The following ATG7 variants were observed in gnomAD, a reference collection of about 807,000 sequenced individuals.
ATG7 encodes autophagy related 7, also known as ubiquitin-like modifier-activating enzyme ATG7.
In ATG7, 70 loss-of-function variants were observed where a neutral mutation model predicts 82.4. The ratio of observed to expected loss-of-function variants is 0.85; its 90% CI spans 0.70 to 1.04. ATG7 has a LOEUF of 1.04. Among genes scored for constraint, ATG7 ranks in the 50% least tolerant of loss-of-function variants. ATG7 has a pLI of 0.00. For missense variants in ATG7, 792 were observed against 864.3 expected (o/e 0.92, Z 1.05); for synonymous variants, 287 against 313.0 (o/e 0.92, Z 0.88).
intron 19 of ATG7, among the ~76,000 whole-genome samples, chr3:11,398,258 G>GTAAAAGAACTGCACCTAATGT: frequency 6.6e-6 from 1 of 152,148 alleles, no homozygotes; most frequent in South Asian, 2.1e-4. Context: ...CACCTAATTT[G>GTAAAAGAACTGCACCTAATGT]AAAAGAAATA....
chr3:11,490,185 C>G (rs990232876), intron 20 of ATG7, among the ~76,000 whole-genome samples: 2,734 of 152,200 alleles, frequency 0.018, 65 homozygotes, highest in Admixed American at 0.047. Context: ...TATATATTTA[C>G]GATAGTTAGC....
At chr3:11,287,433 A>G (rs1480497172) in intron 3 of ATG7, among the ~76,000 whole-genome samples, 1 of 152,172 alleles carries the variant, frequency 6.6e-6, no homozygotes, top group Non-Finnish European at 1.5e-5. Flanking sequence ...GTTCTAGGCC[A>G]TGGGGGCCTG....
rs1030182585 is a variant in ATG7 at position 11,488,438 on chromosome 3, C to T, written c.2079+61512C>T. On this transcript the variant is annotated intron_variant, in intron 20 of 20. Coordinates refer to ENST00000693202, the MANE Select transcript of ATG7 (RefSeq NM_001349232.2). Reference sequence around the variant, plus strand: ...CATCCTCCCGGCGGTCGGGCAGCGGCGGCTGCGGTCGGTCGCGGCAGCGGC... The same window carrying T: ...CATCCTCCCGGCGGTCGGGCAGCGGTGGCTGCGGTCGGTCGCGGCAGCGGC... 1.8e-4 allele frequency: 224 copies of T among 1,251,002 alleles called. No homozygotes were observed. In the African/African-American group the frequency reaches 2.9e-3, roughly 16 times the overall value. The allele number at this position is 1,251,002 out of a possible 1,614,324, so 77.5% of individuals were successfully genotyped here. A position where few individuals can be genotyped will look rare whatever the true frequency, so the allele number is the denominator to read the frequency against.
chr3:11,562,317 T>C (rs988195405), downstream of ATG7, among the ~76,000 whole-genome samples: 1 of 152,160 alleles, frequency 6.6e-6, no homozygotes, highest in East Asian at 1.9e-4. Flanking sequence ...GGACACTTTC[T>C]GTAGCCTCCC....
chr3:11,362,393 A>G (rs578251163), intron 16 of ATG7, among the ~76,000 whole-genome samples: 18 of 152,314 alleles, frequency 1.2e-4, no homozygotes, highest in Non-Finnish European at 2.2e-4. Flanking sequence ...GGTCACTTTG[A>G]GGTGTTAGCT....
rs562176869 is a variant in ATG7, at chr3:11,472,985, C to T, written c.2079+46059C>T. Among the ~76,000 whole-genome samples the T allele has an allele frequency of 4.6e-5, 7 of 152,212 alleles. No individual in the cohort carries two copies. In the East Asian group the frequency reaches 1.2e-3, roughly 25 times the overall value. Reference sequence around the variant, plus strand: ...AGCAAATGCATTTTTCAGGAGCATACTTTCCTTTCACTTTTTTTTTGTAAC... The same window carrying T: ...AGCAAATGCATTTTTCAGGAGCATATTTTCCTTTCACTTTTTTTTTGTAAC... On this transcript the variant is annotated intron_variant, in intron 20 of 20. Coordinates refer to ENST00000693202, the MANE Select transcript of ATG7 (RefSeq NM_001349232.2).
chr3:11,299,372 T>C lies in ATG7; in HGVS notation c.171T>C (p.Ala57=). ...IKGYYYNGDS[A]GLPARLTLEF... is the part of the protein sequence containing the mutation. ...AATGCTTCTGTCCAGGTGACTCTGC[T>C]GGGCTGCCAGCTCGCTTAACATTGG... is the stretch of plus-strand genomic sequence containing the variant. Residue 57 remains alanine, a synonymous_variant, in exon 5 of 21, where the codon GCT becomes GCC. Transcript: ENST00000693202. 1 of 1,612,462 alleles carries C rather than the reference T, an allele frequency of 6.2e-7. No individual in the cohort carries two copies. The highest frequency in any genetic ancestry group is 8.5e-7 in the Non-Finnish European group (1 of 1,178,474).
chr3:11,429,215 G>T (rs2082634298), intron 20 of ATG7, among the ~76,000 whole-genome samples: 1 of 152,152 alleles, frequency 6.6e-6, no homozygotes, highest in Non-Finnish European at 1.5e-5. Context: ...CAAGTTTTAG[G>T]CGGGGCGTGG....
Position 11,355,750 on chromosome 3 carries a change from T to C in ATG7, c.1285-2668T>C, listed in dbSNP as rs57643134. Among the ~76,000 whole-genome samples the C allele has an allele frequency of 7.2e-5, 11 of 152,310 alleles. No homozygotes were observed. The East Asian group carries it at 1.5e-3, about 21-fold the overall frequency. ...GGGTGTGGAGCAACCAAAACACTTA[T>C]ACATTGCTGGTAAAATAACTACTTT... On this transcript the variant is annotated intron_variant, in intron 14 of 20. Coordinates refer to ENST00000693202, the MANE Select transcript of ATG7 (RefSeq NM_001349232.2).
intron 20 of ATG7, among the ~76,000 whole-genome samples, chr3:11,527,041 ATGTGTGTGTGTG>A (rs370131709): frequency 1.6e-4 from 22 of 138,328 alleles, no homozygotes; most frequent in South Asian, 4.6e-4. Flanking sequence ...GTGTGTATAT[ATGTGTGTGTGTG>A]TGTGTGTGTG....
chr3:11,558,438 A>C, downstream of ATG7: 2 of 1,406,038 alleles, frequency 1.4e-6, no homozygotes, highest in Non-Finnish European at 9.4e-7. Flanking sequence ...TTTTGCAAAT[A>C]AACCATCCCT....
intron 20 of ATG7, among the ~76,000 whole-genome samples, chr3:11,494,283 G>A (rs965774302): frequency 6.6e-6 from 1 of 152,212 alleles, no homozygotes; most frequent in Non-Finnish European, 1.5e-5. Context: ...TTGGTCAACA[G>A]GAAGCAGGTG....
At chr3:11,372,946 A>C (rs888490323) in intron 18 of ATG7, among the ~76,000 whole-genome samples, 1 of 151,296 alleles carries the variant, frequency 6.6e-6, no homozygotes, top group Non-Finnish European at 1.5e-5. Context: ...AAGAAAGTTA[A>C]ATGTTTAGAT....
intron 20 of ATG7, among the ~76,000 whole-genome samples, chr3:11,538,391 C>T (rs4684787): frequency 0.29 from 44,666 of 151,882 alleles, 6,727 homozygotes; most frequent in East Asian, 0.41. Flanking sequence ...GAACCCAGGA[C>T]ATGGGACGAG....
chr3:11,549,558 T>A (rs1009955285), intron 20 of ATG7, among the ~76,000 whole-genome samples: 1 of 152,208 alleles, frequency 6.6e-6, no homozygotes, highest in Non-Finnish European at 1.5e-5. Context: ...CTGAGATTCA[T>A]ATGTGTTGTC....
chr3:11,410,661 G>C (rs999332126), intron 19 of ATG7, among the ~76,000 whole-genome samples: 3 of 152,082 alleles, frequency 2.0e-5, no homozygotes, highest in Non-Finnish European at 4.4e-5. Context: ...TACATTATTT[G>C]TCTTTTTGTG....
chr3:11,470,004 A>AAAAAG (rs1336364898), intron 20 of ATG7, among the ~76,000 whole-genome samples: 13 of 137,434 alleles, frequency 9.5e-5, no homozygotes, highest in African/African-American at 3.2e-4. Context: ...AAAAAAAAAA[A>AAAAAG]AAAAAGAGAG....
chr3:11,415,563 TTTA>T (rs1329145508), intron 19 of ATG7, among the ~76,000 whole-genome samples: 11 of 152,188 alleles, frequency 7.2e-5, no homozygotes, highest in African/African-American at 2.7e-4. Context: ...AAATTTTTAT[TTTA>T]TTATTTAAAC....
chr3:11,414,912 G>A (rs1345360753), intron 19 of ATG7, among the ~76,000 whole-genome samples: 5 of 152,198 alleles, frequency 3.3e-5, no homozygotes, highest in East Asian at 1.9e-4. Flanking sequence ...CTACATGATC[G>A]TGGCATATAA....
Sources: allele counts gnomAD v4.1 joint callset (sites outside exome capture counted in the v4.1 genomes callset), GRCh38; gene constraint gnomAD v4.1.1; transcripts MANE v1.5; gene names NCBI Gene and HGNC (gene_info 2026-07-23, HGNC 2026-07-21).